Variants in CYYR1 observed in about 807,000 individuals in gnomAD.
CYYR1 encodes the protein cysteine and tyrosine rich 1.
Under a neutral mutation model 15.2 loss-of-function variants are expected in CYYR1, and 14 were observed. The observed-to-expected ratio is 0.92, with a 90% confidence interval of 0.61 to 1.44. The LOEUF (loss-of-function observed/expected upper bound fraction) is 1.44, where lower values mean the gene tolerates loss of function less well. Among genes scored for constraint, CYYR1 ranks in the 40% most tolerant of loss-of-function variants. The pLI is 0.00. For missense variants in CYYR1, 228 were observed against 209.5 expected, an observed-to-expected ratio of 1.09 and a Z score of -0.54; for synonymous variants, 80 against 77.4, an observed-to-expected ratio of 1.03 and a Z score of -0.18.
At chr21:26,515,410 A>G (rs1434971084) in intron 2 of CYYR1, among the ~76,000 whole-genome samples, 1 of 151,704 alleles carries the variant, frequency 6.6e-6, no homozygotes, top group Non-Finnish European at 1.5e-5. Flanking sequence ...CCAAGGCTGG[A>G]GTGCAGTTGC....
intron 2 of CYYR1, among the ~76,000 whole-genome samples, chr21:26,546,391 C>G (rs931711321): frequency 6.6e-6 from 1 of 152,208 alleles, no homozygotes; most frequent in Non-Finnish European, 1.5e-5. Flanking sequence ...TTTGATCACA[C>G]ATTCATGTTG....
At chr21:26,493,722 T>C (rs2065358846) in intron 2 of CYYR1, among the ~76,000 whole-genome samples, 1 of 152,154 alleles carries the variant, frequency 6.6e-6, no homozygotes, top group South Asian at 2.1e-4. Flanking sequence ...TGACACCTTG[T>C]AGGAAAGAAG....
Position 26,545,567 on chromosome 21 carries a change from C to CTT in CYYR1, c.176+20697_176+20698dup, listed in dbSNP as rs770885517. Among the ~76,000 whole-genome samples the CTT allele has an allele frequency of 4.0e-3, 292 of 73,734 alleles. 48 individuals carry two copies. Among genetic ancestry groups the CTT allele is most frequent in the African/African-American group, 0.014 (230 of 16,966 alleles). 48.4% of individuals were successfully genotyped at this position (73,734 alleles called of 152,430 possible). On this transcript the variant is annotated intron_variant, in intron 2 of 3. Coordinates refer to ENST00000652641, the MANE Select transcript of CYYR1 (RefSeq NM_001320768.2). ...CCTTCTGGTTAATAAGATGCTTATTCTTTTTTTTTTTTTTTTTTTTTTTTT... is the reference window on the plus strand; with the variant it reads ...CCTTCTGGTTAATAAGATGCTTATTCTTTTTTTTTTTTTTTTTTTTTTTTTTT...
chr21:26,485,910 G>A (rs2065242331), intron 2 of CYYR1, among the ~76,000 whole-genome samples: 1 of 152,122 alleles, frequency 6.6e-6, no homozygotes, highest in Non-Finnish European at 1.5e-5. Flanking sequence ...AGCAAGGTAT[G>A]AGAGATCCTC....
intron 2 of CYYR1, among the ~76,000 whole-genome samples, chr21:26,526,408 A>G (rs947889809): frequency 3.3e-5 from 5 of 152,084 alleles, no homozygotes; most frequent in Non-Finnish European, 5.9e-5. Context: ...AGATTGTGCC[A>G]CTGTACTCCA....
At chr21:26,557,975 C>A (rs1020182929) in intron 2 of CYYR1, among the ~76,000 whole-genome samples, 1 of 152,200 alleles carries the variant, frequency 6.6e-6, no homozygotes, top group Admixed American at 6.5e-5. Flanking sequence ...TCTCATTTAG[C>A]CCCAATCCTT....
intron 3 of CYYR1, chr21:26,477,681 A>G: frequency 1.1e-6 from 1 of 888,008 alleles, no homozygotes; most frequent in Non-Finnish European, 1.3e-6. Context: ...TTTCAATTAA[A>G]CTTTTTTGAT....
rs551094868 is a variant in CYYR1, at chr21:26,530,964, C to T, written c.176+35302G>A. 1.6e-4 allele frequency among the ~76,000 whole-genome samples: 24 copies of T among 152,136 alleles called. No homozygotes were observed. In the South Asian group the frequency reaches 4.2e-3, roughly 26 times the overall value. Reference sequence around the variant, plus strand: ...AATGTGACTGTTTTAGTGTTAGTGGCCCAGAAAGACACTGACTACAGCCAA... The same window carrying T: ...AATGTGACTGTTTTAGTGTTAGTGGTCCAGAAAGACACTGACTACAGCCAA... On this transcript the variant is annotated intron_variant, in intron 2 of 3. Coordinates refer to ENST00000652641, the MANE Select transcript of CYYR1 (RefSeq NM_001320768.2).
rs138866755 is a variant in CYYR1 at position 26,496,753 on chromosome 21, G to A, written c.177-16324C>T. ...AAATTTCCAAATTTGTGTAGACCCG[G>A]ATAAATAGAATATTTATTGATATTT... On this transcript the variant is annotated intron_variant, in intron 2 of 3. Transcript: ENST00000652641. Among the ~76,000 whole-genome samples the A allele has an allele frequency of 2.0e-4, 30 of 152,196 alleles. No individual in the cohort carries two copies. The East Asian group carries it at 5.6e-3, about 28-fold the overall frequency.
At chr21:26,557,891 C>T (rs1023617260) in intron 2 of CYYR1, among the ~76,000 whole-genome samples, 8 of 152,148 alleles carry the variant, frequency 5.3e-5, no homozygotes, top group African/African-American at 1.4e-4. Context: ...CCTGAATATT[C>T]CCCATTAGTT....
intron 2 of CYYR1, among the ~76,000 whole-genome samples, chr21:26,533,832 AT>A (rs2065963892): frequency 6.6e-6 from 1 of 152,170 alleles, no homozygotes; most frequent in Non-Finnish European, 1.5e-5. Context: ...ATAAAAGTGA[AT>A]GTTAGCAAAC....
At chr21:26,487,150 A>G (rs2065259915) in intron 2 of CYYR1, among the ~76,000 whole-genome samples, 1 of 152,034 alleles carries the variant, frequency 6.6e-6, no homozygotes, top group Admixed American at 6.6e-5. Flanking sequence ...AAACTTCCAT[A>G]TGGAAATAAG....
At chr21:26,519,561 C>T (rs2065776419) in intron 2 of CYYR1, among the ~76,000 whole-genome samples, 1 of 152,118 alleles carries the variant, frequency 6.6e-6, no homozygotes, top group African/African-American at 2.4e-5. Context: ...AACTTGTAGG[C>T]CATTTAAGAC....
intron 2 of CYYR1, among the ~76,000 whole-genome samples, chr21:26,506,394 A>C (rs2065563510): frequency 6.6e-6 from 1 of 152,096 alleles, no homozygotes; most frequent in African/African-American, 2.4e-5. Flanking sequence ...TTTTGGATTC[A>C]CGAATCCCAT....
At chr21:26,569,822 T>C (rs111835126) in intron 1 of CYYR1, among the ~76,000 whole-genome samples, 17,772 of 152,162 alleles carry the variant, frequency 0.12, 1,120 homozygotes, top group African/African-American at 0.17. Flanking sequence ...CATGGTGTTA[T>C]CAAAATATTT....
chr21:26,530,257 C>T (rs1397039338), intron 2 of CYYR1, among the ~76,000 whole-genome samples: 1 of 151,882 alleles, frequency 6.6e-6, no homozygotes, highest in African/African-American at 2.4e-5. Flanking sequence ...ATTTTTTATT[C>T]ATAAATATAT....
intron 2 of CYYR1, among the ~76,000 whole-genome samples, chr21:26,513,697 A>G: frequency 6.6e-6 from 1 of 152,024 alleles, no homozygotes. Context: ...GGAGTTGTGG[A>G]GTTTAGCAAG....
intron 1 of CYYR1, 63 bp downstream of exon 1, chr21:26,572,805 C>A: frequency 6.3e-7 from 1 of 1,592,066 alleles, no homozygotes; most frequent in Non-Finnish European, 8.6e-7. Context: ...CCACGTTAGC[C>A]CGGACCGTGA....
intron 2 of CYYR1, among the ~76,000 whole-genome samples, chr21:26,510,636 T>C (rs2065634246): frequency 6.6e-6 from 1 of 152,206 alleles, no homozygotes; most frequent in Non-Finnish European, 1.5e-5. Context: ...TGACAAAATA[T>C]CAGCTATTTG....
Sources: gnomAD v4.1 joint callset for allele counts (sites outside exome capture counted in the v4.1 genomes callset) on GRCh38, gnomAD v4.1.1 for gene constraint, MANE v1.5 for transcripts, NCBI Gene and HGNC (gene_info 2026-07-23, HGNC 2026-07-21) for gene names.